Variants in CSMD1 observed in about 807,000 individuals in gnomAD.
The protein encoded by CSMD1 is CUB and sushi domain-containing protein 1.
In CSMD1, 213 loss-of-function variants were observed where a neutral mutation model predicts 417.5. The ratio of observed to expected loss-of-function variants is 0.51; its 90% CI spans 0.46 to 0.57. The LOEUF (loss-of-function observed/expected upper bound fraction) is 0.57, where lower values mean the gene tolerates loss of function less well. Among genes scored for constraint, CSMD1 ranks in the 20% least tolerant of loss-of-function variants. The pLI is 0.00. For synonymous variants in CSMD1, 2,862 were observed against 1,736.8 expected, an observed-to-expected ratio of 1.65 and a Z score of -16.11; for missense variants, 6,923 against 4,529.7, an observed-to-expected ratio of 1.53 and a Z score of -15.17.
At chr8:4,647,327 G>A (rs770542752) in intron 1 of CSMD1, among the ~76,000 whole-genome samples, 59 of 151,064 alleles carry the variant, frequency 3.9e-4, no homozygotes, top group Middle Eastern at 6.9e-3. Flanking sequence ...CATGTGCCAC[G>A]GCGGCCTGCT....
At position 4,195,031 on chromosome 8, in the gene CSMD1, A is replaced by G. The variant is rs76865316; in HGVS notation, c.416-162932T>C. On this transcript the variant is annotated intron_variant, in intron 3 of 69. Coordinates refer to ENST00000635120, the MANE Select transcript of CSMD1 (RefSeq NM_033225.6). ...TCTTCACATTGTAACTTTTTTCACT[A>G]TCTACAATTTAAAAATTACAAAGCA... Among the ~76,000 whole-genome samples the G allele has an allele frequency of 1.1e-3, 165 of 152,256 alleles. 1 individual carries two copies. In the East Asian group the frequency reaches 0.029, roughly 27 times the overall value.
At chr8:3,447,771 G>C (rs12681510) in intron 12 of CSMD1, among the ~76,000 whole-genome samples, 4,373 of 152,278 alleles carry the variant, frequency 0.029, 106 homozygotes, top group East Asian at 0.09. Context: ...CGTGTTCCTG[G>C]ATGTGGCAGT....
intron 59 of CSMD1, 66 bp downstream of exon 59, chr8:2,965,709 A>C: frequency 7.0e-7 from 1 of 1,427,448 alleles, no homozygotes; most frequent in Non-Finnish European, 9.6e-7. Context: ...TGCAAAATTA[A>C]ACAAAGCATA....
chr8:3,732,023 T>C (rs924560700), intron 6 of CSMD1, among the ~76,000 whole-genome samples: 15 of 146,774 alleles, frequency 1.0e-4, no homozygotes, highest in Admixed American at 2.8e-4. Context: ...GCAGAATGCA[T>C]GCTCTCCACA....
chr8:4,131,352 T>C (rs1370638854), intron 3 of CSMD1, among the ~76,000 whole-genome samples: 3 of 152,166 alleles, frequency 2.0e-5, no homozygotes, highest in African/African-American at 7.2e-5. Flanking sequence ...TGGTGACACC[T>C]ACACGCTCCT....
chr8:4,624,171 C>A (rs1801958380), intron 2 of CSMD1, among the ~76,000 whole-genome samples: 1 of 152,168 alleles, frequency 6.6e-6, no homozygotes, highest in African/African-American at 2.4e-5. Context: ...TAAAACTTGG[C>A]AAATCAACTA....
intron 3 of CSMD1, among the ~76,000 whole-genome samples, chr8:4,292,460 G>C (rs545505257): frequency 3.7e-4 from 56 of 152,188 alleles, no homozygotes; most frequent in Non-Finnish European, 7.4e-4. Flanking sequence ...CACCGTGTTA[G>C]TCAGAATGGT....
intron 50 of CSMD1, among the ~76,000 whole-genome samples, chr8:3,036,574 C>G (rs562200813): frequency 1.3e-5 from 2 of 152,234 alleles, no homozygotes; most frequent in East Asian, 3.9e-4. Flanking sequence ...AGTGTGCAGT[C>G]TAGCACTAAA....
At chr8:3,404,429 G>C (rs1812228127) in intron 15 of CSMD1, among the ~76,000 whole-genome samples, 1 of 152,010 alleles carries the variant, frequency 6.6e-6, no homozygotes, top group Non-Finnish European at 1.5e-5. Flanking sequence ...GGTGGTGAAG[G>C]ATCATGCCCC....
chr8:3,344,746 A>G (rs549462507), intron 22 of CSMD1, among the ~76,000 whole-genome samples: 2 of 152,256 alleles, frequency 1.3e-5, no homozygotes, highest in South Asian at 2.1e-4. Context: ...TTGTCTTTCA[A>G]TCAATATATA....
intron 23 of CSMD1, among the ~76,000 whole-genome samples, chr8:3,309,312 T>A (rs146294847): frequency 1.3e-5 from 2 of 149,706 alleles, no homozygotes; most frequent in Non-Finnish European, 3.0e-5. Context: ...AGATGTCAAC[T>A]TCATGGGAAA....
chr8:4,561,965 A>C (rs1431769749), intron 2 of CSMD1, among the ~76,000 whole-genome samples: 2 of 152,202 alleles, frequency 1.3e-5, no homozygotes, highest in Non-Finnish European at 2.9e-5. Context: ...CACAACGCCC[A>C]TCCGGTAAAC....
At chr8:3,272,436 AC>A (rs1164323868) in intron 26 of CSMD1, among the ~76,000 whole-genome samples, 1 of 150,786 alleles carries the variant, frequency 6.6e-6, no homozygotes, top group East Asian at 1.9e-4. Flanking sequence ...TTCCATATGA[AC>A]TTTAAAGTAG....
At chr8:3,596,656 C>T (rs1251998740) in intron 8 of CSMD1, among the ~76,000 whole-genome samples, 4 of 152,104 alleles carry the variant, frequency 2.6e-5, no homozygotes, top group African/African-American at 9.7e-5. Context: ...TTATCCTTCA[C>T]ATCTGGTTGT....
At chr8:3,986,620 A>T (rs1421269059) in intron 5 of CSMD1, among the ~76,000 whole-genome samples, 3 of 152,114 alleles carry the variant, frequency 2.0e-5, no homozygotes, top group Non-Finnish European at 4.4e-5. Context: ...ACATACCTAA[A>T]TCATGATTTT....
At chr8:4,390,504 T>TATTTATTTATTTATTTATTG in intron 3 of CSMD1, among the ~76,000 whole-genome samples, 1 of 145,994 alleles carries the variant, frequency 6.8e-6, no homozygotes, top group African/African-American at 2.5e-5. Flanking sequence ...CATTTTTATT[T>TATTTATTTATTTATTTATTG]ATTTATTTAT....
intron 5 of CSMD1, among the ~76,000 whole-genome samples, chr8:3,812,280 G>T (rs1801131636): frequency 6.6e-6 from 1 of 152,140 alleles, no homozygotes; most frequent in South Asian, 2.1e-4. Context: ...ATTGTTTTTG[G>T]TGGGGACTCT....
chr8:3,206,428 T>G lies in CSMD1; in HGVS notation c.4868-808A>C, dbSNP rs536296736. Among the ~76,000 whole-genome samples, 97 of 117,190 alleles carry G rather than the reference T, an allele frequency of 8.3e-4. 1 individual carries two copies. Among genetic ancestry groups the G allele is most frequent in the African/African-American group, 3.1e-3 (92 of 29,712 alleles). The allele number at this position is 117,190 out of a possible 152,430, so 76.9% of individuals were successfully genotyped here. On this transcript the variant is annotated intron_variant, in intron 30 of 69. Transcript: ENST00000635120. ...GGTTATGTCTGTGTGTGTATGTGTG[T>G]GTGTGGGTGTATGTGTGTGTGTATG...
At chr8:3,403,350 A>G (rs1038777097) in intron 15 of CSMD1, among the ~76,000 whole-genome samples, 1 of 151,726 alleles carries the variant, frequency 6.6e-6, no homozygotes, top group Non-Finnish European at 1.5e-5. Context: ...TTGGCTTTCT[A>G]TTTGTTTTCA....
Sources: allele counts gnomAD v4.1 joint callset (sites outside exome capture counted in the v4.1 genomes callset), GRCh38; gene constraint gnomAD v4.1.1; transcripts MANE v1.5; gene names NCBI Gene and HGNC (gene_info 2026-07-23, HGNC 2026-07-21).